Variants in AK9 observed in about 807,000 individuals in gnomAD.
AK9 encodes adenylate kinase 9.
In AK9, 191 loss-of-function variants were observed where a neutral mutation model predicts 239.6. That is an observed-to-expected ratio of 0.80 (90% confidence interval 0.71 to 0.90). AK9 has a LOEUF of 0.90. Among genes scored for constraint, AK9 ranks in the 40% least tolerant of loss-of-function variants. The pLI, the probability that AK9 is intolerant of heterozygous loss-of-function variation, is 0.00. For missense variants in AK9, 1,995 were observed against 2,214.7 expected (o/e 0.90, Z 1.99); for synonymous variants, 689 against 721.0 (o/e 0.96, Z 0.71).
chr6:109,547,624 A>G (rs1783733911), intron 25 of AK9, among the ~76,000 whole-genome samples: 1 of 152,198 alleles, frequency 6.6e-6, no homozygotes, highest in African/African-American at 2.4e-5. Flanking sequence ...GCTACAGGAC[A>G]TTGGTCTGGG....
intron 24 of AK9, among the ~76,000 whole-genome samples, chr6:109,556,334 C>T (rs1231121929): frequency 1.3e-5 from 2 of 152,094 alleles, no homozygotes; most frequent in Admixed American, 6.5e-5. Context: ...TGAATATTGG[C>T]CCCCAGTCTC....
intron 26 of AK9, among the ~76,000 whole-genome samples, chr6:109,545,363 A>G (rs903275208): frequency 6.6e-6 from 1 of 152,262 alleles, no homozygotes; most frequent in South Asian, 2.1e-4. Context: ...TTTGACTGTG[A>G]CCTCACCCAA....
intron 1 of AK9, among the ~76,000 whole-genome samples, chr6:109,685,112 C>G (rs192835683): frequency 6.6e-6 from 1 of 152,046 alleles, no homozygotes; most frequent in East Asian, 1.9e-4. Flanking sequence ...GAAATAGAGA[C>G]GCTTTTACAC....
At position 109,560,723 on chromosome 6, in the gene AK9, G is replaced by A. The variant is rs73523160; in HGVS notation, c.2751+2874C>T. Among the ~76,000 whole-genome samples, 1,243 of 152,156 alleles carry A rather than the reference G, an allele frequency of 8.2e-3. 26 individuals carry two copies. Among genetic ancestry groups the A allele is most frequent in the African/African-American group, 0.027 (1,104 of 41,536 alleles). ...AATGAGTGATGTTAGACTGCAGTTT[G>A]TTTTTCTTTCCTTGCTTTTAATGTC... is the stretch of plus-strand genomic sequence containing the variant. On this transcript the variant is annotated intron_variant, in intron 24 of 40. Coordinates refer to ENST00000424296, the MANE Select transcript of AK9 (RefSeq NM_001145128.3).
At chr6:109,634,150 C>T (rs12192776) in intron 10 of AK9, among the ~76,000 whole-genome samples, 52,576 of 151,888 alleles carry the variant, frequency 0.35, 9,565 homozygotes, top group South Asian at 0.44. Context: ...GATTAGGTCA[C>T]GAGTGCTCCG....
At position 109,612,065 on chromosome 6, in the gene AK9, T is replaced by G. The variant is rs369706804; in HGVS notation, c.1638A>C (p.Thr546=). Residue 546 remains threonine, a synonymous_variant, in exon 16 of 41, where the codon ACA becomes ACC. Coordinates refer to ENST00000424296, the MANE Select transcript of AK9 (RefSeq NM_001145128.3). ...TAGCATCTTGAGAATGCCTTTTAAA[T>G]GTGAATGTTTCACCAGTTTCTTTTC... The part of the protein sequence containing the change: ...DDGKETGETF[T]FKRHSQDASQ... 1.9e-6 allele frequency: 3 copies of G among 1,541,368 alleles called. No individual in the cohort carries two copies. Among genetic ancestry groups the G allele is most frequent in the East Asian group, 4.9e-5 (2 of 40,694 alleles).
At position 109,580,101 on chromosome 6, in the gene AK9, T is replaced by C. The variant is rs375922386; in HGVS notation, c.2115-475A>G. ...AACATGGATGATGGCATATAAGTGTTTTAAGTTTTCTTTAACTTTTTGCAT... is the reference window on the plus strand; with the variant it reads ...AACATGGATGATGGCATATAAGTGTCTTAAGTTTTCTTTAACTTTTTGCAT... On this transcript the variant is annotated intron_variant, in intron 19 of 40. Coordinates refer to ENST00000424296, the MANE Select transcript of AK9 (RefSeq NM_001145128.3). Among the ~76,000 whole-genome samples, 30 of 152,336 alleles carry C rather than the reference T, an allele frequency of 2.0e-4. 1 individual carries two copies. In the East Asian group the frequency reaches 5.4e-3, roughly 27 times the overall value.
chr6:109,599,152 T>G (rs1791535099), intron 17 of AK9, among the ~76,000 whole-genome samples: 1 of 152,146 alleles, frequency 6.6e-6, no homozygotes, highest in Non-Finnish European at 1.5e-5. Flanking sequence ...CCTTGCCTAT[T>G]CCTATGCCCT....
intron 21 of AK9, among the ~76,000 whole-genome samples, chr6:109,572,056 C>T (rs1248246376): frequency 6.6e-6 from 1 of 152,176 alleles, no homozygotes; most frequent in Admixed American, 6.6e-5. Flanking sequence ...TACAGCTGAT[C>T]TACCACCTAT....
chr6:109,501,544 A>G lies in AK9; in HGVS notation c.4850-2304T>C, dbSNP rs557832702. Among the ~76,000 whole-genome samples the G allele has an allele frequency of 1.1e-3, 174 of 152,362 alleles. 2 individuals are homozygous for G. The highest frequency in any genetic ancestry group is 3.4e-3 in the Middle Eastern group (1 of 294). ...TTTAAGCAATCACAGCCCTCCTTCA[A>G]TAAGGCAGGCATTTAAAACCATTGC... On this transcript the variant is annotated intron_variant, in intron 35 of 40. Transcript: ENST00000424296.
At chr6:109,635,356 A>G (rs1465199438) in intron 10 of AK9, among the ~76,000 whole-genome samples, 1 of 152,202 alleles carries the variant, frequency 6.6e-6, no homozygotes, top group East Asian at 1.9e-4. Context: ...AAACCCTGGA[A>G]AGACATGGGA....
At chr6:109,625,180 T>C (rs1442683931) in intron 12 of AK9, among the ~76,000 whole-genome samples, 1 of 152,168 alleles carries the variant, frequency 6.6e-6, no homozygotes, top group East Asian at 1.9e-4. Context: ...GCTTGGCAAT[T>C]ATATTATGAA....
At chr6:109,609,404 C>A (rs1038752019) in intron 17 of AK9, among the ~76,000 whole-genome samples, 3 of 152,204 alleles carry the variant, frequency 2.0e-5, no homozygotes, top group Admixed American at 2.0e-4. Flanking sequence ...CCGTCTTCCC[C>A]ACCTGACGGA....
chr6:109,516,717 A>C lies in AK9; in HGVS notation c.3634-75T>G, dbSNP rs1042717650. The C allele has an allele frequency of 2.4e-6, 3 of 1,243,728 alleles. No homozygotes were observed. In the African/African-American group the frequency reaches 4.5e-5, roughly 19 times the overall value. The allele number at this position is 1,243,728 out of a possible 1,614,324, so 77.0% of individuals were successfully genotyped here. Reference sequence around the variant, plus strand: ...AAGACACTATTAACAAATCATCTGGAATATTTTGTAATGGCTCGATATTGG... The same window carrying C: ...AAGACACTATTAACAAATCATCTGGCATATTTTGTAATGGCTCGATATTGG... On this transcript the variant is annotated intron_variant, in intron 29 of 40. Coordinates refer to ENST00000424296, the MANE Select transcript of AK9 (RefSeq NM_001145128.3).
intron 27 of AK9, among the ~76,000 whole-genome samples, chr6:109,541,503 C>T (rs559635629): frequency 4.6e-5 from 7 of 152,272 alleles, no homozygotes; most frequent in South Asian, 2.1e-4. Context: ...CTCTGTCTCC[C>T]GGGTTCAAGT....
At chr6:109,633,517 G>A (rs1796365354) in intron 10 of AK9, among the ~76,000 whole-genome samples, 194 bp from the exon 11 acceptor site, 1 of 152,100 alleles carries the variant, frequency 6.6e-6, no homozygotes, top group Non-Finnish European at 1.5e-5. Flanking sequence ...GAACTAGTTT[G>A]AACTAGTTGA....
At chr6:109,586,408 GACA>G (rs969661499) in intron 17 of AK9, among the ~76,000 whole-genome samples, 24 of 152,182 alleles carry the variant, frequency 1.6e-4, no homozygotes, top group African/African-American at 5.5e-4. Context: ...TCTCTAATGA[GACA>G]ACGACAACCA....
At chr6:109,518,688 T>A (rs1435728930) in intron 29 of AK9, among the ~76,000 whole-genome samples, 1 of 152,016 alleles carries the variant, frequency 6.6e-6, no homozygotes, top group Non-Finnish European at 1.5e-5. Flanking sequence ...ATATATTTAA[T>A]TACATCATAT....
At chr6:109,545,820 C>G in intron 26 of AK9, 47 bp downstream of exon 26, 1 of 1,553,256 alleles carries the variant, frequency 6.4e-7, no homozygotes, top group Non-Finnish European at 8.7e-7. Context: ...ACAACAATAA[C>G]AACAGCAAAA....
Sources: allele counts gnomAD v4.1 joint callset (sites outside exome capture counted in the v4.1 genomes callset), GRCh38; gene constraint gnomAD v4.1.1; transcripts MANE v1.5; gene names NCBI Gene and HGNC (gene_info 2026-07-23, HGNC 2026-07-21).